PID1: variants seen among roughly 807,000 people sequenced by gnomAD.
PID1 encodes the protein phosphotyrosine interaction domain containing 1.
Under a neutral mutation model 19.1 loss-of-function variants are expected in PID1, and 10 were observed. The ratio of observed to expected loss-of-function variants is 0.52; its 90% confidence interval spans 0.32 to 0.89. PID1 has a LOEUF of 0.89. Ranked by LOEUF, PID1 falls within the 40% of genes least tolerant of loss-of-function variation. The pLI, the probability that PID1 is intolerant of heterozygous loss-of-function variation, is 0.03. For missense variants in PID1, 248 were observed against 285.3 expected (o/e 0.87, Z 0.94); for synonymous variants, 130 against 116.0 (o/e 1.12, Z -0.78).
At chr2:229,054,573 T>C (rs116342862) in intron 2 of PID1, among the ~76,000 whole-genome samples, 468 of 152,092 alleles carry the variant, frequency 3.1e-3, no homozygotes, top group African/African-American at 9.7e-3. Context: ...AAATGTTACG[T>C]TGTGTTTCCA....
intron 1 of PID1, among the ~76,000 whole-genome samples, chr2:229,202,229 G>C (rs374352750): frequency 4.6e-5 from 7 of 152,102 alleles, no homozygotes; most frequent in African/African-American, 1.7e-4. Flanking sequence ...TGAAGAATAT[G>C]AGGTTCTTAT....
intron 1 of PID1, among the ~76,000 whole-genome samples, chr2:229,164,445 T>C (rs1574682791): frequency 6.6e-6 from 1 of 152,204 alleles, no homozygotes; most frequent in East Asian, 1.9e-4. Context: ...CTGTCTGTCA[T>C]TGCACTCAAT....
rs561053435 is a variant in PID1, at chr2:229,035,664, A to G, written c.178-9556T>C. Among the ~76,000 whole-genome samples, 78 of 152,262 alleles carry G rather than the reference A, an allele frequency of 5.1e-4. No individual in the cohort carries two copies. In the South Asian group the frequency reaches 5.8e-3, roughly 11 times the overall value. ...GTGAGATGTAGAACCCAAGTCCTCC[A>G]CCACAAAACAAAAGCTCTTTCCACT... On this transcript the variant is annotated intron_variant, in intron 2 of 2. Coordinates refer to ENST00000392055, the MANE Select transcript of PID1 (RefSeq NM_001100818.2).
chr2:229,189,848 G>A (rs950596241), intron 1 of PID1, among the ~76,000 whole-genome samples: 2 of 152,306 alleles, frequency 1.3e-5, no homozygotes, highest in African/African-American at 4.8e-5. Context: ...GCCTCATGGG[G>A]TGCATGAGAT....
chr2:229,163,745 C>A (rs1690544235), intron 1 of PID1, among the ~76,000 whole-genome samples: 1 of 152,000 alleles, frequency 6.6e-6, no homozygotes, highest in East Asian at 1.9e-4. Context: ...TACACACACA[C>A]ACGCACACAC....
At chr2:229,225,171 A>G (rs1300314072) in intron 1 of PID1, among the ~76,000 whole-genome samples, 1 of 152,138 alleles carries the variant, frequency 6.6e-6, no homozygotes, top group Admixed American at 6.5e-5. Flanking sequence ...TTGATGATTA[A>G]CCAGCAGCTA....
chr2:229,113,509 C>T (rs201117979), intron 2 of PID1, among the ~76,000 whole-genome samples: 8 of 138,186 alleles, frequency 5.8e-5, no homozygotes, highest in East Asian at 2.1e-4. Context: ...TGTGTGTATA[C>T]ATATATATAT....
In PID1 at chr2:229,254,021, A is replaced by G. The variant is rs577115277; in HGVS notation, c.30+16993T>C. Among the ~76,000 whole-genome samples the G allele has an allele frequency of 3.2e-4, 48 of 152,316 alleles. No individual in the cohort carries two copies. In the Middle Eastern group the frequency reaches 0.014, roughly 43 times the overall value. ...CAGACCTTCTTCGGAAATGGTTGCC[A>G]GCATTGTCAGCTATGACTACTTTGT... On this transcript the variant is annotated intron_variant, in intron 1 of 2. Coordinates refer to ENST00000392055, the MANE Select transcript of PID1 (RefSeq NM_001100818.2).
At chr2:229,047,097 T>C (rs1039628347) in intron 2 of PID1, among the ~76,000 whole-genome samples, 1 of 152,212 alleles carries the variant, frequency 6.6e-6, no homozygotes, top group African/African-American at 2.4e-5. Flanking sequence ...AACACCACCA[T>C]GTTCTTCCTC....
chr2:229,241,973 A>G (rs950869153), intron 1 of PID1, among the ~76,000 whole-genome samples: 7 of 152,110 alleles, frequency 4.6e-5, no homozygotes, highest in Non-Finnish European at 7.4e-5. Flanking sequence ...CCTCTTAAGC[A>G]CAGCATCAGG....
intron 2 of PID1, among the ~76,000 whole-genome samples, chr2:229,120,487 G>A (rs1695494701): frequency 6.6e-6 from 1 of 151,996 alleles, no homozygotes; most frequent in South Asian, 2.1e-4. Flanking sequence ...AGAGGAAGAA[G>A]AGGAGGGGTT....
intron 1 of PID1, among the ~76,000 whole-genome samples, chr2:229,175,156 A>G (rs550801412): frequency 6.6e-6 from 1 of 152,222 alleles, no homozygotes; most frequent in Non-Finnish European, 1.5e-5. Context: ...ACAGAAAAAA[A>G]GTTCTTGTTT....
chr2:229,065,333 T>C (rs77729961), intron 2 of PID1, among the ~76,000 whole-genome samples: 3,582 of 152,252 alleles, frequency 0.024, 149 homozygotes, highest in African/African-American at 0.083. Context: ...AGAGTAGATA[T>C]GACATACGTT....
intron 1 of PID1, among the ~76,000 whole-genome samples, chr2:229,221,242 T>C (rs1452900501): frequency 2.0e-5 from 3 of 152,198 alleles, no homozygotes; most frequent in African/African-American, 7.2e-5. Context: ...AGTGGGATAG[T>C]TGGTCACCCT....
At chr2:229,230,412 A>G (rs139419586) in intron 1 of PID1, among the ~76,000 whole-genome samples, 30 of 152,344 alleles carry the variant, frequency 2.0e-4, no homozygotes, top group Middle Eastern at 3.4e-3. Flanking sequence ...TAAGTTTTGC[A>G]ATATGAGCCC....
chr2:229,162,803 C>A (rs891292793), intron 1 of PID1, among the ~76,000 whole-genome samples: 2 of 152,184 alleles, frequency 1.3e-5, no homozygotes, highest in African/African-American at 4.8e-5. Context: ...AAGGTATATT[C>A]AGGCTCCAAC....
At chr2:229,062,607 A>C (rs1015017619) in intron 2 of PID1, among the ~76,000 whole-genome samples, 1 of 151,932 alleles carries the variant, frequency 6.6e-6, no homozygotes. Context: ...CCAAAATCAC[A>C]CAAGGCCTAC....
At chr2:229,187,694 G>T (rs1173809803) in intron 1 of PID1, among the ~76,000 whole-genome samples, 3 of 152,006 alleles carry the variant, frequency 2.0e-5, no homozygotes, top group Non-Finnish European at 2.9e-5. Context: ...CTCTCTCCAG[G>T]ATCATTTCCA....
rs919529011 is a variant in PID1, at chr2:229,024,921, A to G, written c.*711T>C. 1.3e-5 allele frequency: 2 copies of G among 152,756 alleles called. No individual in the cohort carries two copies. Among genetic ancestry groups the G allele is most frequent in the African/African-American group, 2.4e-5 (1 of 41,458 alleles). 9.5% of individuals were successfully genotyped at this position (152,756 alleles called of 1,614,324 possible). Reference sequence around the variant, plus strand: ...CCCTCTAAGGATGTTAGAAGGGGAAAGAGGGTGGACAGGGCAGCAGGAGGG... The same window carrying G: ...CCCTCTAAGGATGTTAGAAGGGGAAGGAGGGTGGACAGGGCAGCAGGAGGG... On this transcript the variant is annotated 3_prime_UTR_variant, in exon 3 of 3. Coordinates refer to ENST00000392055, the MANE Select transcript of PID1 (RefSeq NM_001100818.2).
Sources: gnomAD v4.1 joint callset for allele counts (sites outside exome capture counted in the v4.1 genomes callset) on GRCh38, gnomAD v4.1.1 for gene constraint, MANE v1.5 for transcripts, NCBI Gene and HGNC (gene_info 2026-07-23, HGNC 2026-07-21) for gene names.